Variants in ACCSL observed in about 807,000 individuals in gnomAD.
The protein encoded by ACCSL is 1-aminocyclopropane-1-carboxylate synthase homolog (inactive) like.
A neutral mutation model predicts 61.7 loss-of-function variants in ACCSL; 55 were observed. The ratio of observed to expected loss-of-function variants is 0.89; its 90% CI spans 0.72 to 1.12. The LOEUF (loss-of-function observed/expected upper bound fraction) is 1.12. ACCSL is among the 50% of genes most tolerant of loss of function. The pLI, the probability that ACCSL is intolerant of heterozygous loss-of-function variation, is 0.00. For missense variants in ACCSL, 632 were observed against 698.0 expected (o/e 0.91, Z 1.07); for synonymous variants, 258 against 264.3 (o/e 0.98, Z 0.23).
In ACCSL at chr11:44,055,269, C is replaced by G. The variant is rs900490263; in HGVS notation, c.1117C>G (p.His373Asp). The G allele has an allele frequency of 9.3e-6, 15 of 1,612,664 alleles. No homozygotes were observed. The stretch of plus-strand genomic sequence containing the variant: ...TGTGTTTGATGAATCCATCACATTC[C>G]ACAGCATTCTGAGCATGAAAAGGTG... ...LSVFDESITF[H>D]SILSMKSLPD... is the part of the protein sequence containing the mutation. The change falls in exon 9 of 14, where the codon CAC becomes GAC. Residue 373 changes from histidine (H) to aspartate (D), a missense_variant. By Grantham distance (81) the His-to-Asp change is moderately conservative. Coordinates refer to ENST00000378832, the MANE Select transcript of ACCSL (RefSeq NM_001031854.2).
chr11:43,951,782 C>T, the ACCSL span, among the ~76,000 whole-genome samples: 3 of 152,192 alleles, frequency 2.0e-5, no homozygotes, highest in African/African-American at 7.2e-5. Flanking sequence ...AGGTGGATCA[C>T]TTGAGGTCAG....
the ACCSL span, among the ~76,000 whole-genome samples, chr11:43,993,162 A>G: frequency 5.3e-5 from 8 of 151,816 alleles, no homozygotes; most frequent in African/African-American, 1.9e-4. Flanking sequence ...GGCTGTCCCC[A>G]CTCCCCAGCC....
the ACCSL span, among the ~76,000 whole-genome samples, chr11:43,932,409 A>G: frequency 2.6e-5 from 4 of 152,184 alleles, no homozygotes; most frequent in African/African-American, 9.7e-5. Flanking sequence ...CTGGGACCAC[A>G]GATGCGCACC....
At chr11:43,927,027 C>T in the ACCSL span, among the ~76,000 whole-genome samples, 2 of 152,322 alleles carry the variant, frequency 1.3e-5, no homozygotes, top group East Asian at 1.9e-4. Flanking sequence ...GGACTACAGG[C>T]GTGAGCCACT....
chr11:43,924,113 A>C, the ACCSL span, among the ~76,000 whole-genome samples: 1 of 152,238 alleles, frequency 6.6e-6, no homozygotes, highest in Non-Finnish European at 1.5e-5. Context: ...GAGCTTACAG[A>C]GTAACTACTC....
the ACCSL span, among the ~76,000 whole-genome samples, chr11:43,998,515 C>T: frequency 1.8e-3 from 269 of 152,300 alleles, 2 homozygotes; most frequent in African/African-American, 6.2e-3. Context: ...GCCCTGGTCT[C>T]TTGGGTTCTG....
chr11:43,969,307 G>A, the ACCSL span, among the ~76,000 whole-genome samples: 2 of 152,164 alleles, frequency 1.3e-5, no homozygotes, highest in Non-Finnish European at 2.9e-5. Context: ...GCTGCAGTGA[G>A]CCATGATTAC....
chr11:43,941,109 G>A, the ACCSL span, among the ~76,000 whole-genome samples: 1 of 152,200 alleles, frequency 6.6e-6, no homozygotes, highest in African/African-American at 2.4e-5. Context: ...AAAGTGTGCA[G>A]AGCATGGCCA....
the ACCSL span, among the ~76,000 whole-genome samples, chr11:43,959,170 C>T: frequency 1.3e-5 from 2 of 152,310 alleles, no homozygotes; most frequent in Non-Finnish European, 1.5e-5. Context: ...AACCACAGCA[C>T]GCGCCTAGGT....
the ACCSL span, among the ~76,000 whole-genome samples, chr11:43,969,388 T>A: frequency 3.3e-5 from 5 of 152,144 alleles, no homozygotes; most frequent in African/African-American, 9.7e-5. Flanking sequence ...AAAAATTTTT[T>A]AAACAATTTT....
chr11:43,942,940 C>T, the ACCSL span: 1 of 1,464,178 alleles, frequency 6.8e-7, no homozygotes, highest in Non-Finnish European at 9.0e-7. Flanking sequence ...TGGGCATCTG[C>T]TCCAGTTACC....
chr11:43,951,984 G>A, the ACCSL span, among the ~76,000 whole-genome samples: 1 of 151,932 alleles, frequency 6.6e-6, no homozygotes, highest in Non-Finnish European at 1.5e-5. Context: ...CTGGGCAACA[G>A]GGTAACAGTC....
the ACCSL span, among the ~76,000 whole-genome samples, chr11:44,004,449 T>C: frequency 6.6e-6 from 1 of 152,026 alleles, no homozygotes; most frequent in Non-Finnish European, 1.5e-5. Context: ...AGTTGCTCCC[T>C]ACCCGCACCC....
the ACCSL span, chr11:43,926,546 C>T: frequency 6.6e-6 from 3 of 453,126 alleles, no homozygotes; most frequent in Non-Finnish European, 1.3e-5. Flanking sequence ...GGGTCAGATG[C>T]GGTGAGGGAT....
the ACCSL span, among the ~76,000 whole-genome samples, chr11:43,988,569 G>A: frequency 6.6e-6 from 1 of 151,908 alleles, no homozygotes; most frequent in African/African-American, 2.4e-5. Flanking sequence ...GAATAATAAA[G>A]CTACAGCTTC....
At chr11:44,052,612 C>G in intron 5 of ACCSL, 50 bp from the exon 6 acceptor site, 1 of 1,527,840 alleles carries the variant, frequency 6.5e-7, no homozygotes, top group Non-Finnish European at 9.1e-7. Context: ...TGGCAACAGG[C>G]TCTGATTGGG....
In ACCSL at chr11:44,048,105, C is replaced by T. The variant is rs1283843139; in HGVS notation, c.69C>T (p.His23=). The T allele has an allele frequency of 1.2e-6, 2 of 1,614,098 alleles. No individual in the cohort carries two copies. Among genetic ancestry groups the T allele is most frequent in the Admixed American group, 1.7e-5 (1 of 60,016 alleles). ...GGAGAGGCCGGGTCCCCAGAGACCACAGCATCTATACCCAGCTGTTGGAGA... is the reference window on the plus strand; with the variant it reads ...GGAGAGGCCGGGTCCCCAGAGACCATAGCATCTATACCCAGCTGTTGGAGA... ...GQRRGRVPRD[H]SIYTQLLEIT... is the part of the protein sequence containing the mutation. The change falls in exon 1 of 14, where the codon CAC becomes CAT. Residue 23 remains histidine (H), a synonymous_variant. Transcript: ENST00000378832.
At chr11:43,964,172 C>T in the ACCSL span, among the ~76,000 whole-genome samples, 12 of 152,094 alleles carry the variant, frequency 7.9e-5, no homozygotes, top group Admixed American at 5.2e-4. Flanking sequence ...TGGCCAGGCG[C>T]GGTGGCTCAT....
chr11:44,042,648 TTGTTTTTTTTG>T, the ACCSL span, among the ~76,000 whole-genome samples: 1 of 134,782 alleles, frequency 7.4e-6, no homozygotes, highest in African/African-American at 3.3e-5. Flanking sequence ...TTTGTTTTGT[TTGTTTTTTTTG>T]TTTTTTTAGC....
Sources: allele counts gnomAD v4.1 joint callset (sites outside exome capture counted in the v4.1 genomes callset), GRCh38; gene constraint gnomAD v4.1.1; transcripts MANE v1.5; gene names NCBI Gene and HGNC (gene_info 2026-07-23, HGNC 2026-07-21).